The following NDUFAF6 variants were observed in gnomAD, a reference collection of about 807,000 sequenced individuals.
NDUFAF6 encodes NADH:ubiquinone oxidoreductase complex assembly factor 6.
Under a neutral mutation model 40.8 loss-of-function variants are expected in NDUFAF6, and 45 were observed. That is an observed-to-expected ratio of 1.10 (90% CI 0.87 to 1.42). The LOEUF is 1.42. NDUFAF6 is among the 40% of genes most tolerant of loss of function. The pLI, the probability that NDUFAF6 is intolerant of heterozygous loss-of-function variation, is 0.00. For missense variants in NDUFAF6, 435 were observed against 418.5 expected (o/e 1.04, Z -0.34); for synonymous variants, 185 against 155.9 (o/e 1.19, Z -1.39).
In NDUFAF6 at chr8:94,996,386, G is replaced by A. The variant is rs111580654; in HGVS notation, c.-84+15413G>A. ...CACGTCCTCCATAACTTATACCTGA[G>A]TCTCTTATTGCTGTTGGGTTGTCTA... On this transcript the variant is annotated intron_variant, in intron 2 of 9. Transcript: ENST00000396111. Among the ~76,000 whole-genome samples, 888 of 152,242 alleles carry A rather than the reference G, an allele frequency of 5.8e-3. 12 individuals are homozygous for A. Among genetic ancestry groups the A allele is most frequent in the Middle Eastern group, 0.034 (10 of 294 alleles).
intron 2 of NDUFAF6, among the ~76,000 whole-genome samples, chr8:95,084,398 G>A (rs1387176585): frequency 2.0e-5 from 3 of 152,030 alleles, no homozygotes; most frequent in East Asian, 1.9e-4. Flanking sequence ...ACTAGAAAAC[G>A]TCATCTGTGT....
intron 2 of NDUFAF6, among the ~76,000 whole-genome samples, chr8:95,087,014 G>T (rs988413875): frequency 6.6e-6 from 1 of 151,950 alleles, no homozygotes; most frequent in Non-Finnish European, 1.5e-5. Context: ...TGTCCACTGG[G>T]TGCACCATTA....
intron 1 of NDUFAF6, among the ~76,000 whole-genome samples, chr8:94,938,865 C>T (rs1821248976): frequency 6.6e-6 from 1 of 152,178 alleles, no homozygotes; most frequent in Non-Finnish European, 1.5e-5. Flanking sequence ...CAGTTTACAG[C>T]TGGTTGGTCA....
chr8:95,113,450 A>G (rs549742175), intron 4 of NDUFAF6, among the ~76,000 whole-genome samples: 2 of 152,310 alleles, frequency 1.3e-5, no homozygotes, highest in Admixed American at 6.5e-5. Context: ...CTCAGAGCTT[A>G]TGATACAGTG....
At chr8:94,997,042 A>G (rs2131631706) in intron 2 of NDUFAF6, among the ~76,000 whole-genome samples, 1 of 150,096 alleles carries the variant, frequency 6.7e-6, no homozygotes, top group Middle Eastern at 3.4e-3. Context: ...CTGCCACCAT[A>G]AGTCAAGGAA....
intron 2 of NDUFAF6, among the ~76,000 whole-genome samples, chr8:95,017,566 T>TTC (rs1215830255): frequency 6.6e-6 from 1 of 152,164 alleles, no homozygotes; most frequent in African/African-American, 2.4e-5. Flanking sequence ...TCCACAGACT[T>TTC]TCTACCAACC....
At chr8:94,946,474 G>A (rs1311953310) in intron 2 of NDUFAF6, among the ~76,000 whole-genome samples, 1 of 151,774 alleles carries the variant, frequency 6.6e-6, no homozygotes, top group Admixed American at 6.6e-5. Flanking sequence ...GCCAAGGCAG[G>A]AGGATCACTT....
chr8:94,943,778 C>A (rs1296465385), intron 1 of NDUFAF6, among the ~76,000 whole-genome samples: 1 of 152,194 alleles, frequency 6.6e-6, no homozygotes, highest in Non-Finnish European at 1.5e-5. Context: ...CACAATTCAT[C>A]TTCTTCAGCC....
intron 2 of NDUFAF6, among the ~76,000 whole-genome samples, chr8:95,094,554 A>G (rs1055412313): frequency 1.3e-5 from 2 of 151,096 alleles, no homozygotes; most frequent in African/African-American, 4.8e-5. Context: ...CTGAGATTAC[A>G]GGCGCCTGCC....
chr8:95,083,798 T>C (rs1808955035), intron 2 of NDUFAF6, among the ~76,000 whole-genome samples: 1 of 152,206 alleles, frequency 6.6e-6, no homozygotes, highest in Non-Finnish European at 1.5e-5. Context: ...TACGAAAATA[T>C]CTGTGATTTC....
intron 2 of NDUFAF6, among the ~76,000 whole-genome samples, chr8:95,008,779 G>T (rs1350192982): frequency 6.6e-6 from 1 of 152,174 alleles, no homozygotes; most frequent in African/African-American, 2.4e-5. Context: ...AAAGTGCTGG[G>T]ATTACAGGCA....
chr8:94,982,579 C>A (rs1280000397), intron 2 of NDUFAF6, among the ~76,000 whole-genome samples: 2 of 152,212 alleles, frequency 1.3e-5, no homozygotes. Flanking sequence ...AAACCCAACT[C>A]CTATTTCTGA....
At chr8:95,095,806 A>G (rs1453488582), upstream of NDUFAF6, among the ~76,000 whole-genome samples, 1 of 151,920 alleles carries the variant, frequency 6.6e-6, no homozygotes, top group African/African-American at 2.4e-5. Flanking sequence ...CTGAGATTAC[A>G]GGCGCCTGCC....
rs377027553 is a variant in NDUFAF6 at position 95,031,955 on chromosome 8, A to G, written c.198-40A>G. On this transcript the variant is annotated intron_variant, in intron 1 of 8. Coordinates refer to ENST00000396124, the MANE Select transcript of NDUFAF6 (RefSeq NM_152416.4). ...GTCAGTATTTTTTTGTGCAGCTTGG[A>G]AAGTGAAGAGTAACTGTCTTTTTTT... 132 of 1,571,930 alleles carry G rather than the reference A, an allele frequency of 8.4e-5. 3 individuals are homozygous for G. Among genetic ancestry groups the G allele is most frequent in the Admixed American group, 3.7e-4 (22 of 59,964 alleles).
At position 95,115,166 on chromosome 8, in the gene NDUFAF6, G is replaced by A. The variant is rs79722270; in HGVS notation, n.345-370G>A. On this transcript the variant is annotated intron_variant and non_coding_transcript_variant, in intron 4 of 5. Transcript: ENST00000523184. ...CCAACTCTTCAAAAATTCTTTTTAT[G>A]TTTAATCAATCTAATTTATTCATCA... is the stretch of plus-strand genomic sequence containing the variant. Among the ~76,000 whole-genome samples, 762 of 152,130 alleles carry A rather than the reference G, an allele frequency of 5.0e-3. 7 individuals carry two copies. The highest frequency in any genetic ancestry group is 0.017 in the African/African-American group (715 of 41,510).
At chr8:95,007,516 T>C (rs1252937085) in intron 2 of NDUFAF6, among the ~76,000 whole-genome samples, 2 of 151,948 alleles carry the variant, frequency 1.3e-5, no homozygotes, top group Non-Finnish European at 2.9e-5. Flanking sequence ...ATACAAAAGT[T>C]AGCCAGGCAT....
chr8:94,957,107 G>A (rs922979260), upstream of NDUFAF6, among the ~76,000 whole-genome samples: 1 of 152,016 alleles, frequency 6.6e-6, no homozygotes, highest in Non-Finnish European at 1.5e-5. Flanking sequence ...GGGAGGCGGG[G>A]GTTGCAGTGA....
chr8:94,938,699 A>C (rs1316750105), intron 1 of NDUFAF6, among the ~76,000 whole-genome samples: 4 of 152,174 alleles, frequency 2.6e-5, no homozygotes, highest in Non-Finnish European at 2.9e-5. Context: ...GAACATGTGG[A>C]GGTTCCCGGA....
rs138169598 is a variant in NDUFAF6, at chr8:94,952,655, C to T, written c.-798-5340C>T. ...TGCTTTCTGAAATAAAAACAGAAAA[C>T]AGGCGTTTAACTGGGCTGCCAGTTA... On this transcript the variant is annotated intron_variant, in intron 2 of 14. Coordinates refer to the NDUFAF6 transcript ENST00000396113. 2.6e-3 allele frequency among the ~76,000 whole-genome samples: 403 copies of T among 152,288 alleles called. 4 individuals carry two copies. The highest frequency in any genetic ancestry group is 9.4e-3 in the African/African-American group (390 of 41,556).
Sources: allele counts gnomAD v4.1 joint callset (sites outside exome capture counted in the v4.1 genomes callset), GRCh38; gene constraint gnomAD v4.1.1; transcripts MANE v1.5; gene names NCBI Gene and HGNC (gene_info 2026-07-23, HGNC 2026-07-21).